CYP4F12: variants seen among roughly 807,000 people sequenced by gnomAD.
The protein encoded by CYP4F12 is cytochrome P450 family 4 subfamily F member 12.
A neutral mutation model predicts 56.5 loss-of-function variants in CYP4F12; 60 were observed. The observed-to-expected ratio is 1.06, with a 90% CI of 0.86 to 1.32. The LOEUF is 1.32. CYP4F12 is among the 40% of genes most tolerant of loss of function. The pLI is 0.00. For missense variants in CYP4F12, 711 were observed against 683.5 expected, an observed-to-expected ratio of 1.04 and a Z score of -0.45; for synonymous variants, 263 against 264.9, an observed-to-expected ratio of 0.99 and a Z score of 0.07.
chr19:15,680,284 G>A lies in CYP4F12; in HGVS notation c.384G>A (p.Leu128=). ...AGGATAATCTCTTCATCAGGTTCCT[G>A]AAGCCCTGGCTGGGTGAGTACCTGC... ...APKDNLFIRF[L]KPWLGEGILL... Residue 128 remains leucine (L), a synonymous_variant, in exon 4 of 13, where the codon CTG becomes CTA. Transcript: ENST00000550308. 1 of 1,611,872 alleles carries A rather than the reference G, an allele frequency of 6.2e-7. No individual in the cohort carries two copies.
At chr19:15,673,233 CTG>C (rs1314882357) in intron 1 of CYP4F12, 98 bp downstream of exon 1, 2 of 547,210 alleles carry the variant, frequency 3.7e-6, no homozygotes, top group African/African-American at 3.9e-5. Context: ...GCATGGGAAA[CTG>C]GGGGTTTCCT....
In CYP4F12 at chr19:15,683,606, G is replaced by T. The variant is rs200705633; in HGVS notation, c.761G>T (p.Arg254Leu). ...DFLYYLSHDG[R>L]RFHRACRLVH... is the part of the protein sequence containing the mutation. ...CTGTATTACCTCTCCCATGACGGGCGGCGCTTCCACAGGGCCTGCCGCCTG... is the reference window on the plus strand; with the variant it reads ...CTGTATTACCTCTCCCATGACGGGCTGCGCTTCCACAGGGCCTGCCGCCTG... The change falls in exon 7 of 13, where the codon CGG becomes CTG. Residue 254 changes from arginine (R) to leucine (L), a missense_variant. Transcript: ENST00000550308. The T allele has an allele frequency of 1.9e-6, 3 of 1,614,134 alleles. No homozygotes were observed. The highest frequency in any genetic ancestry group is 2.5e-6 in the Non-Finnish European group (3 of 1,180,014).
intron 8 of CYP4F12, 21 bp from the exon 9 acceptor site, chr19:15,685,047 G>A (rs2007532084): frequency 1.2e-6 from 2 of 1,609,164 alleles, no homozygotes; most frequent in South Asian, 2.2e-5. Context: ...CTGAAGCCAA[G>A]CTTACCTGGC....
intron 9 of CYP4F12, among the ~76,000 whole-genome samples, chr19:15,688,485 C>A (rs2007725643): frequency 6.6e-6 from 1 of 152,140 alleles, no homozygotes; most frequent in Admixed American, 6.5e-5. Context: ...GAAAACACAT[C>A]CCATGTTCAT....
intron 2 of CYP4F12, among the ~76,000 whole-genome samples, chr19:15,677,124 TTCATA>T (rs1568414010): frequency 1.0e-4 from 11 of 105,844 alleles, no homozygotes; most frequent in Non-Finnish European, 1.7e-4. Flanking sequence ...CACTCACTCA[TTCATA>T]TCCTCACTCA....
At chr19:15,693,216 G>A (rs2007957660) in intron 9 of CYP4F12, among the ~76,000 whole-genome samples, 1 of 152,094 alleles carries the variant, frequency 6.6e-6, no homozygotes, top group Non-Finnish European at 1.5e-5. Context: ...GAAGTAAATG[G>A]CATTGGGCCA....
At chr19:15,696,639 C>G in intron 12 of CYP4F12, 127 bp downstream of exon 12, 2 of 1,241,480 alleles carry the variant, frequency 1.6e-6, no homozygotes, top group Non-Finnish European at 2.3e-6. Context: ...TATGGGAAAA[C>G]GTCCATAGAA....
At chr19:15,692,787 A>T (rs1172379985) in intron 9 of CYP4F12, among the ~76,000 whole-genome samples, 2 of 152,124 alleles carry the variant, frequency 1.3e-5, no homozygotes, top group Admixed American at 6.6e-5. Context: ...GAGAGAAAAG[A>T]TACACGCCAG....
intron 9 of CYP4F12, among the ~76,000 whole-genome samples, chr19:15,686,834 G>A (rs750693820): frequency 2.0e-5 from 3 of 152,170 alleles, no homozygotes; most frequent in Non-Finnish European, 2.9e-5. Flanking sequence ...TGGAGAGGAG[G>A]CAATGGACTG....
Position 15,673,666 on chromosome 19 carries a change from G to T in CYP4F12, c.137G>T (p.Arg46Leu). Residue 46 changes from arginine to leucine, a missense_variant, in exon 2 of 13, where the codon CGC becomes CTC. Physicochemically the swap from Arg to Leu is moderately radical, Grantham distance 102. Coordinates refer to ENST00000550308, the MANE Select transcript of CYP4F12 (RefSeq NM_023944.4). ...AWTYAFYNNC[R>L]RLQCFPQPPK... ...ACCTATGCCTTCTATAACAACTGCC[G>T]CCGGCTCCAGTGTTTCCCACAGCCC... 1 of 1,614,080 alleles carries T rather than the reference G, an allele frequency of 6.2e-7. No individual in the cohort carries two copies. The highest frequency in any genetic ancestry group is 8.5e-7 in the Non-Finnish European group (1 of 1,180,010).
chr19:15,683,110 AAGAG>A (rs1168494751), intron 6 of CYP4F12, among the ~76,000 whole-genome samples: 3 of 147,434 alleles, frequency 2.0e-5, no homozygotes, highest in South Asian at 2.1e-4. Context: ...GAGAGAGAGA[AAGAG>A]AGAGAGAGTT....
chr19:15,686,166 T>A (rs1309327678), intron 9 of CYP4F12, among the ~76,000 whole-genome samples: 1 of 152,186 alleles, frequency 6.6e-6, no homozygotes, highest in Non-Finnish European at 1.5e-5. Context: ...ATAGAAAGTG[T>A]TTCAAGCCAG....
At chr19:15,675,098 G>A (rs1311452902) in intron 2 of CYP4F12, among the ~76,000 whole-genome samples, 1 of 152,178 alleles carries the variant, frequency 6.6e-6, no homozygotes, top group Non-Finnish European at 1.5e-5. Flanking sequence ...TCCTTCCAGG[G>A]ACAATGTGCT....
chr19:15,682,353 G>A (rs758783344), intron 5 of CYP4F12, 36 bp from the exon 6 acceptor site: 25 of 1,607,936 alleles, frequency 1.6e-5, no homozygotes, highest in Non-Finnish European at 2.0e-5. Flanking sequence ...AAAGGAGGCA[G>A]GGCCCAGCTC....
intron 2 of CYP4F12, among the ~76,000 whole-genome samples, chr19:15,677,176 A>C (rs1417362881): frequency 4.3e-4 from 25 of 57,640 alleles, no homozygotes; most frequent in East Asian, 1.2e-3. Context: ...TCTCCTCACT[A>C]ATTCCAATAC....
Position 15,682,522 on chromosome 19 carries a change from C to G in CYP4F12, c.647+12C>G, listed in dbSNP as rs763425307. The G allele has an allele frequency of 1.9e-6, 3 of 1,612,610 alleles. No homozygotes were observed. In the South Asian group the frequency reaches 3.3e-5, roughly 18 times the overall value. On this transcript the variant is annotated intron_variant, in intron 6 of 12. Transcript: ENST00000550308. ...AGCCATTGTCAGGAGTGAGTTCCTTCCTAGGGCCTGGGATATGAATCCATG... is the reference window on the plus strand; with the variant it reads ...AGCCATTGTCAGGAGTGAGTTCCTTGCTAGGGCCTGGGATATGAATCCATG...
chr19:15,687,355 A>G (rs958760300), intron 9 of CYP4F12, among the ~76,000 whole-genome samples: 6 of 152,230 alleles, frequency 3.9e-5, no homozygotes, highest in Non-Finnish European at 8.8e-5. Flanking sequence ...GTGTCCCTCC[A>G]GAAGATGGCT....
At chr19:15,681,412 G>A (rs1440482269) in intron 5 of CYP4F12, 2 of 152,208 alleles carry the variant, frequency 1.3e-5, no homozygotes, top group Non-Finnish European at 2.9e-5. Flanking sequence ...GCTTGTTACT[G>A]TCTCATGCAT....
At chr19:15,673,204 G>A (rs185524111) in intron 1 of CYP4F12, 69 bp downstream of exon 1, 4 of 502,620 alleles carry the variant, frequency 8.0e-6, no homozygotes, top group Admixed American at 6.9e-5. Context: ...CCTAAGGCTG[G>A]GGTGGCTCCA....
Sources: allele counts gnomAD v4.1 joint callset (sites outside exome capture counted in the v4.1 genomes callset), GRCh38; gene constraint gnomAD v4.1.1; transcripts MANE v1.5; gene names NCBI Gene and HGNC (gene_info 2026-07-23, HGNC 2026-07-21).